Variants in AHI1 observed in about 807,000 individuals in gnomAD.
The protein encoded by AHI1 is jouberin.
A neutral mutation model predicts 149.3 loss-of-function variants in AHI1; 123 were observed. The ratio of observed to expected loss-of-function variants is 0.82; its 90% CI spans 0.71 to 0.96. The LOEUF (loss-of-function observed/expected upper bound fraction) is 0.96, where lower values mean the gene tolerates loss of function less well. AHI1 is among the 40% of genes least tolerant of loss of function. The probability of loss-of-function intolerance (pLI) is 0.00; values close to 1 mark genes in which losing one functional copy is unlikely to be tolerated. For missense variants in AHI1, 1,439 were observed against 1,422.7 expected, an observed-to-expected ratio of 1.01 and a Z score of -0.18; for synonymous variants, 475 against 459.8, an observed-to-expected ratio of 1.03 and a Z score of -0.42.
At chr6:135,363,170 G>GT (rs1794192572) in intron 23 of AHI1, among the ~76,000 whole-genome samples, 1 of 151,368 alleles carries the variant, frequency 6.6e-6, no homozygotes. Flanking sequence ...AAGGTCTCTG[G>GT]TTTTCCTAGG....
chr6:135,438,245 T>C (rs1562770556), intron 15 of AHI1, 130 bp downstream of exon 15: 1 of 795,028 alleles, frequency 1.3e-6, no homozygotes, highest in Non-Finnish European at 1.8e-6. Context: ...GTCTGCATGA[T>C]GCATATTTAT....
chr6:135,418,490 T>A (rs1426320231), intron 20 of AHI1, among the ~76,000 whole-genome samples: 1 of 152,150 alleles, frequency 6.6e-6, no homozygotes, highest in East Asian at 1.9e-4. Flanking sequence ...TGTTCTTGAG[T>A]TAAACAATTA....
At chr6:135,472,610 G>A (rs112021247) in intron 5 of AHI1, among the ~76,000 whole-genome samples, 1 of 152,136 alleles carries the variant, frequency 6.6e-6, no homozygotes, top group East Asian at 1.9e-4. Flanking sequence ...ATTTTTATCA[G>A]CAATTTCTAA....
intron 21 of AHI1, among the ~76,000 whole-genome samples, chr6:135,409,950 T>A (rs1781349134): frequency 6.6e-6 from 1 of 152,200 alleles, no homozygotes; most frequent in Admixed American, 6.5e-5. Context: ...CTCATATTCA[T>A]CTCTTCTCTC....
intron 23 of AHI1, among the ~76,000 whole-genome samples, chr6:135,374,995 G>A (rs1474308120): frequency 6.6e-6 from 1 of 152,150 alleles, no homozygotes; most frequent in Non-Finnish European, 1.5e-5. Context: ...GTATGCTAAT[G>A]TAAGTGTTCT....
chr6:135,444,269 C>T (rs1195020925), intron 13 of AHI1, among the ~76,000 whole-genome samples: 1 of 152,140 alleles, frequency 6.6e-6, no homozygotes, highest in East Asian at 1.9e-4. Flanking sequence ...ATTAATTCAT[C>T]CTCAAATACA....
At chr6:135,338,063 C>T (rs1201487598) in intron 24 of AHI1, among the ~76,000 whole-genome samples, 2 of 151,980 alleles carry the variant, frequency 1.3e-5, no homozygotes, top group African/African-American at 4.8e-5. Context: ...TTTCGGAGGC[C>T]GAGGTGGGTG....
At chr6:135,399,159 G>C (rs1042114061) in intron 22 of AHI1, among the ~76,000 whole-genome samples, 2 of 152,166 alleles carry the variant, frequency 1.3e-5, no homozygotes, top group African/African-American at 4.8e-5. Flanking sequence ...ACTCAGCTTG[G>C]GTGACAGGGA....
chr6:135,422,683 TCTCA>T, intron 20 of AHI1, among the ~76,000 whole-genome samples: 1 of 151,464 alleles, frequency 6.6e-6, no homozygotes, highest in East Asian at 1.9e-4. Flanking sequence ...AGAGATGAGG[TCTCA>T]CTATGTTGCT....
chr6:135,348,168 G>A (rs1306409267), intron 24 of AHI1, among the ~76,000 whole-genome samples: 6 of 151,950 alleles, frequency 3.9e-5, no homozygotes, highest in South Asian at 2.1e-4. Flanking sequence ...TGTTTATCAC[G>A]GTAAAAAAAC....
At chr6:135,496,121 A>AT (rs1047554770) in intron 2 of AHI1, among the ~76,000 whole-genome samples, 138 of 146,970 alleles carry the variant, frequency 9.4e-4, no homozygotes, top group Non-Finnish European at 8.2e-4. Flanking sequence ...ATCATCTCTA[A>AT]TTTTTTTTTT....
intron 20 of AHI1, among the ~76,000 whole-genome samples, chr6:135,425,716 T>C (rs1277593666): frequency 6.6e-6 from 1 of 151,598 alleles, no homozygotes; most frequent in East Asian, 1.9e-4. Context: ...ACCCCATTTT[T>C]TTAGACTCCT....
At chr6:135,398,710 G>A (rs926994937) in intron 22 of AHI1, among the ~76,000 whole-genome samples, 1 of 152,056 alleles carries the variant, frequency 6.6e-6, no homozygotes, top group African/African-American at 2.4e-5. Context: ...TTAGTTCACT[G>A]CCTTGCTTCA....
At chr6:135,480,457 TA>T (rs879595836) in intron 5 of AHI1, among the ~76,000 whole-genome samples, 333 of 144,816 alleles carry the variant, frequency 2.3e-3, no homozygotes, top group Admixed American at 2.2e-3. Context: ...GACCCTGTCT[TA>T]AAAAAAAAAA....
At chr6:135,414,836 T>C (rs1369461047) in intron 20 of AHI1, among the ~76,000 whole-genome samples, 3 of 151,550 alleles carry the variant, frequency 2.0e-5, no homozygotes, top group Admixed American at 6.6e-5. Context: ...TATTATACTT[T>C]AAGTTTTAGG....
chr6:135,297,452 T>G, intron 27 of AHI1: 1 of 456,316 alleles, frequency 2.2e-6, no homozygotes, highest in Non-Finnish European at 4.4e-6. Context: ...AGGCCTTCTC[T>G]AGCTATGCAT....
At chr6:135,465,185 G>A (rs1303977837) in intron 7 of AHI1, among the ~76,000 whole-genome samples, 4 of 152,056 alleles carry the variant, frequency 2.6e-5, no homozygotes, top group Non-Finnish European at 4.4e-5. Context: ...AGAACTGCAG[G>A]GGGGAACAAA....
intron 10 of AHI1, 67 bp from the exon 11 acceptor site, chr6:135,453,503 A>C (rs1788453016): frequency 8.7e-7 from 1 of 1,144,746 alleles, no homozygotes; most frequent in Non-Finnish European, 1.3e-6. Context: ...ACATTATTAA[A>C]ACTTTAAAAA....
In AHI1 at chr6:135,395,656, G is replaced by GA. The variant is rs199935302; in HGVS notation, c.2989-761dup. Among the ~76,000 whole-genome samples the GA allele has an allele frequency of 9.4e-3, 1,416 of 151,148 alleles. 20 individuals are homozygous for GA. Among genetic ancestry groups the GA allele is most frequent in the African/African-American group, 0.032 (1,319 of 41,128 alleles). On this transcript the variant is annotated intron_variant, in intron 22 of 28. Coordinates refer to ENST00000265602, the MANE Select transcript of AHI1 (RefSeq NM_001134831.2). ...ATCTTGTAAATCAGAATTCGTTTCAGAAAAAAAATCTATCTTTTTTTCATT... is the reference window on the plus strand; with the variant it reads ...ATCTTGTAAATCAGAATTCGTTTCAGAAAAAAAAATCTATCTTTTTTTCATT...
Sources: gnomAD v4.1 joint callset for allele counts (sites outside exome capture counted in the v4.1 genomes callset) on GRCh38, gnomAD v4.1.1 for gene constraint, MANE v1.5 for transcripts, NCBI Gene and HGNC (gene_info 2026-07-23, HGNC 2026-07-21) for gene names.